Variants in RCAN2 observed in about 807,000 individuals in gnomAD.
The protein encoded by RCAN2 is regulator of calcineurin 2.
Under a neutral mutation model 23.6 loss-of-function variants are expected in RCAN2, and 9 were observed. The ratio of observed to expected loss-of-function variants is 0.38; its 90% CI spans 0.23 to 0.67. The LOEUF (loss-of-function observed/expected upper bound fraction) is 0.67. RCAN2 is among the 30% of genes least tolerant of loss of function. The probability of loss-of-function intolerance (pLI) is 0.51; values close to 1 mark genes in which losing one functional copy is unlikely to be tolerated. For synonymous variants in RCAN2, 109 were observed against 115.7 expected (o/e 0.94, Z 0.37); for missense variants, 273 against 302.3 (o/e 0.90, Z 0.72).
chr6:46,251,810 C>T (rs953327623), intron 2 of RCAN2, among the ~76,000 whole-genome samples: 5 of 152,018 alleles, frequency 3.3e-5, no homozygotes, highest in Admixed American at 6.6e-5. Flanking sequence ...ATAGAAGGCT[C>T]CAGGCACCAA....
intron 1 of RCAN2, among the ~76,000 whole-genome samples, chr6:46,483,052 C>A (rs547762008): frequency 1.3e-5 from 2 of 152,260 alleles, no homozygotes; most frequent in African/African-American, 4.8e-5. Context: ...TAGGAAGGAG[C>A]ACAGGGGAAA....
chr6:46,347,108 C>T (rs949230672), intron 2 of RCAN2, among the ~76,000 whole-genome samples: 7 of 152,162 alleles, frequency 4.6e-5, no homozygotes, highest in Non-Finnish European at 7.4e-5. Flanking sequence ...ATCACCTGAC[C>T]TTGTGATCCA....
At chr6:46,297,346 G>A (rs946020137) in intron 2 of RCAN2, among the ~76,000 whole-genome samples, 6 of 152,094 alleles carry the variant, frequency 3.9e-5, no homozygotes, top group East Asian at 1.9e-4. Context: ...CTCAAAAAGC[G>A]AATAATCACA....
chr6:46,337,519 T>C (rs931818356), intron 2 of RCAN2, among the ~76,000 whole-genome samples: 1 of 152,234 alleles, frequency 6.6e-6, no homozygotes, highest in African/African-American at 2.4e-5. Flanking sequence ...AAAAGACTTC[T>C]AGAAAAGCAA....
chr6:46,305,149 A>T (rs1008769910), intron 2 of RCAN2, among the ~76,000 whole-genome samples: 2 of 152,098 alleles, frequency 1.3e-5, no homozygotes, highest in Non-Finnish European at 2.9e-5. Flanking sequence ...GGCTCCTTCC[A>T]TGCTAGACTT....
At chr6:46,331,990 A>C (rs1172702558) in intron 2 of RCAN2, among the ~76,000 whole-genome samples, 1 of 152,226 alleles carries the variant, frequency 6.6e-6, no homozygotes, top group East Asian at 1.9e-4. Context: ...GAAAGAGTTT[A>C]AGATTTTTTT....
At chr6:46,422,645 C>G (rs1251715400) in intron 2 of RCAN2, among the ~76,000 whole-genome samples, 13 of 152,086 alleles carry the variant, frequency 8.5e-5, no homozygotes, top group Non-Finnish European at 1.5e-5. Context: ...AAATTTAGGT[C>G]TATTCCACCA....
chr6:46,449,299 A>G (rs186158191), intron 2 of RCAN2, among the ~76,000 whole-genome samples: 1 of 151,744 alleles, frequency 6.6e-6, no homozygotes. Flanking sequence ...ACTGAAAACT[A>G]TGAAACATAA....
chr6:46,313,183 G>A (rs1763320671), intron 2 of RCAN2, among the ~76,000 whole-genome samples: 1 of 152,014 alleles, frequency 6.6e-6, no homozygotes, highest in African/African-American at 2.4e-5. Flanking sequence ...ACCTCCTTGG[G>A]GTAGCCTTCC....
intron 2 of RCAN2, among the ~76,000 whole-genome samples, chr6:46,327,197 A>G (rs1561860407): frequency 1.3e-5 from 2 of 152,182 alleles, no homozygotes; most frequent in East Asian, 3.8e-4. Context: ...AGGGATGGTG[A>G]TGGCTGAATA....
At chr6:46,369,851 C>T (rs1765280213) in intron 2 of RCAN2, among the ~76,000 whole-genome samples, 1 of 152,040 alleles carries the variant, frequency 6.6e-6, no homozygotes, top group Admixed American at 6.5e-5. Flanking sequence ...ATCACTTTTC[C>T]AATGGCCTTT....
intron 2 of RCAN2, among the ~76,000 whole-genome samples, chr6:46,299,639 A>T (rs1762839102): frequency 6.6e-6 from 1 of 152,058 alleles, no homozygotes; most frequent in Non-Finnish European, 1.5e-5. Flanking sequence ...CTCCTAAAAT[A>T]AAAGTAGTAT....
intron 1 of RCAN2, among the ~76,000 whole-genome samples, chr6:46,458,364 T>A (rs760925922): frequency 9.9e-5 from 15 of 152,234 alleles, no homozygotes; most frequent in Non-Finnish European, 1.8e-4. Context: ...CAATGAGAGT[T>A]GGTAAGCAGC....
chr6:46,376,616 GT>G (rs1765466842), intron 2 of RCAN2, among the ~76,000 whole-genome samples: 1 of 152,102 alleles, frequency 6.6e-6, no homozygotes, highest in South Asian at 2.1e-4. Flanking sequence ...GGAGGTGGAG[GT>G]TGCAGTGAGC....
At chr6:46,344,904 A>C (rs1314640363) in intron 2 of RCAN2, among the ~76,000 whole-genome samples, 1 of 152,102 alleles carries the variant, frequency 6.6e-6, no homozygotes. Flanking sequence ...AAACATTTTA[A>C]TTAAAATGTG....
chr6:46,266,381 C>T (rs548012149), intron 2 of RCAN2, among the ~76,000 whole-genome samples: 4 of 152,230 alleles, frequency 2.6e-5, no homozygotes, highest in South Asian at 2.1e-4. Flanking sequence ...GTTATCTGCA[C>T]GTTCTTTATT....
chr6:46,334,487 A>T (rs554411387), intron 2 of RCAN2, among the ~76,000 whole-genome samples: 1 of 152,356 alleles, frequency 6.6e-6, no homozygotes, highest in East Asian at 1.9e-4. Flanking sequence ...CTAGGTCCCT[A>T]TAAAGGAGAG....
chr6:46,317,682 G>A (rs1763483304), intron 2 of RCAN2, among the ~76,000 whole-genome samples: 1 of 152,060 alleles, frequency 6.6e-6, no homozygotes. Flanking sequence ...AGCCAGGATG[G>A]TCTCGATCTC....
intron 2 of RCAN2, among the ~76,000 whole-genome samples, chr6:46,442,384 C>T (rs552681729): frequency 3.3e-5 from 5 of 152,330 alleles, no homozygotes; most frequent in Non-Finnish European, 7.3e-5. Context: ...ATCTAGCCTA[C>T]CCCTCCACCA....
Sources: gnomAD v4.1 joint callset for allele counts (sites outside exome capture counted in the v4.1 genomes callset) on GRCh38, gnomAD v4.1.1 for gene constraint, MANE v1.5 for transcripts, NCBI Gene and HGNC (gene_info 2026-07-23, HGNC 2026-07-21) for gene names.